Variants in RBMS3 observed in about 807,000 individuals in gnomAD.
The protein encoded by RBMS3 is RNA binding motif single stranded interacting protein 3.
In RBMS3, 27 loss-of-function variants were observed where a neutral mutation model predicts 66.8. The ratio of observed to expected loss-of-function variants is 0.40; its 90% confidence interval spans 0.30 to 0.56. The LOEUF (loss-of-function observed/expected upper bound fraction) is 0.56, where lower values mean the gene tolerates loss of function less well. RBMS3 is among the 20% of genes least tolerant of loss of function. RBMS3 has a pLI of 0.40. For missense variants in RBMS3, 513 were observed against 549.5 expected (o/e 0.93, Z 0.66); for synonymous variants, 188 against 183.0 (o/e 1.03, Z -0.22).
At chr3:29,840,042 AT>A (rs2058623444) in intron 6 of RBMS3, among the ~76,000 whole-genome samples, 1 of 151,864 alleles carries the variant, frequency 6.6e-6, no homozygotes, top group South Asian at 2.1e-4. Flanking sequence ...TTTTTTCCTT[AT>A]TCCTATCCTT....
intron 1 of RBMS3, among the ~76,000 whole-genome samples, chr3:29,370,826 A>G (rs1257291357): frequency 6.6e-6 from 1 of 152,196 alleles, no homozygotes; most frequent in East Asian, 1.9e-4. Context: ...CTTGATTAGA[A>G]TTCAGTCTGG....
intron 1 of RBMS3, among the ~76,000 whole-genome samples, chr3:29,346,949 TCTAA>T (rs1483710592): frequency 6.6e-6 from 1 of 152,212 alleles, no homozygotes; most frequent in Non-Finnish European, 1.5e-5. Flanking sequence ...ACCATATGTT[TCTAA>T]CTAAAAGCAC....
chr3:29,659,935 G>A (rs886351281), intron 4 of RBMS3, among the ~76,000 whole-genome samples: 5 of 152,160 alleles, frequency 3.3e-5, no homozygotes, highest in African/African-American at 1.2e-4. Context: ...CCTAATGGGT[G>A]TGGTGAAATC....
At chr3:29,747,187 C>G (rs540914160) in intron 5 of RBMS3, among the ~76,000 whole-genome samples, 1 of 152,302 alleles carries the variant, frequency 6.6e-6, no homozygotes, top group South Asian at 2.1e-4. Flanking sequence ...TTTCTACACT[C>G]TCAGCTTTCT....
chr3:29,695,340 G>T (rs1400382576), intron 4 of RBMS3, among the ~76,000 whole-genome samples: 1 of 152,138 alleles, frequency 6.6e-6, no homozygotes, highest in East Asian at 1.9e-4. Context: ...TTGTAGAAAG[G>T]TTAAATGTAA....
chr3:29,593,430 C>G (rs1050526391), intron 4 of RBMS3, among the ~76,000 whole-genome samples: 4 of 152,144 alleles, frequency 2.6e-5, no homozygotes, highest in African/African-American at 9.7e-5. Flanking sequence ...ATAGAGGCTT[C>G]TCAAGGGCTC....
intron 6 of RBMS3, among the ~76,000 whole-genome samples, chr3:29,819,832 C>T (rs1479711187): frequency 6.6e-6 from 1 of 152,110 alleles, no homozygotes; most frequent in Non-Finnish European, 1.5e-5. Flanking sequence ...GATCAGCTAA[C>T]TTTTTTGGTG....
At chr3:29,421,145 G>A (rs1424918996) in intron 1 of RBMS3, among the ~76,000 whole-genome samples, 20 of 144,328 alleles carry the variant, frequency 1.4e-4, no homozygotes, top group Non-Finnish European at 1.5e-5. Flanking sequence ...AGAAAAGGCC[G>A]TTATCACTAT....
At chr3:29,512,274 C>G (rs2044443272) in intron 3 of RBMS3, among the ~76,000 whole-genome samples, 1 of 151,952 alleles carries the variant, frequency 6.6e-6, no homozygotes, top group Non-Finnish European at 1.5e-5. Context: ...TCAAAGATTT[C>G]TAAATGTTGG....
At chr3:29,780,164 A>G (rs1284512030) in intron 6 of RBMS3, among the ~76,000 whole-genome samples, 1 of 151,960 alleles carries the variant, frequency 6.6e-6, no homozygotes, top group Non-Finnish European at 1.5e-5. Context: ...CTTGACTTTA[A>G]ATTGATGAGA....
intron 6 of RBMS3, among the ~76,000 whole-genome samples, chr3:29,781,963 C>T (rs1216991696): frequency 1.3e-5 from 2 of 152,040 alleles, no homozygotes; most frequent in African/African-American, 4.8e-5. Flanking sequence ...ATCCTCATCC[C>T]CCACAGCAGC....
At chr3:29,665,571 C>T (rs1013839883) in intron 4 of RBMS3, among the ~76,000 whole-genome samples, 1 of 152,138 alleles carries the variant, frequency 6.6e-6, no homozygotes, top group Non-Finnish European at 1.5e-5. Flanking sequence ...AATAGTCCCT[C>T]TTTGCAAACA....
intron 6 of RBMS3, among the ~76,000 whole-genome samples, chr3:29,854,386 AGGGGTTCTT>A (rs1237834487): frequency 2.0e-5 from 3 of 152,234 alleles, no homozygotes; most frequent in African/African-American, 7.2e-5. Context: ...GAAAAAGGAA[AGGGGTTCTT>A]CCTCCTGTCC....
chr3:29,610,283 G>T (rs995771645), intron 4 of RBMS3, among the ~76,000 whole-genome samples: 1 of 151,950 alleles, frequency 6.6e-6, no homozygotes, highest in Admixed American at 6.6e-5. Context: ...CTAATGTAAG[G>T]CTAAATACCT....
intron 6 of RBMS3, among the ~76,000 whole-genome samples, chr3:29,837,231 G>A (rs998342573): frequency 1.3e-5 from 2 of 151,940 alleles, no homozygotes; most frequent in African/African-American, 4.8e-5. Context: ...TTGAATAAAT[G>A]TATACCTATA....
At chr3:29,999,334 A>C (rs1026888172) in intron 14 of RBMS3, among the ~76,000 whole-genome samples, 8 of 152,172 alleles carry the variant, frequency 5.3e-5, no homozygotes, top group South Asian at 2.1e-4. Context: ...ACTAGTTCAA[A>C]CATTGTAGAA....
chr3:29,489,318 G>C (rs1455906164), intron 3 of RBMS3, among the ~76,000 whole-genome samples: 1 of 151,958 alleles, frequency 6.6e-6, no homozygotes. Flanking sequence ...AGAAACTCCT[G>C]TATATGTATC....
intron 1 of RBMS3, among the ~76,000 whole-genome samples, chr3:29,359,319 C>G (rs964528273): frequency 6.6e-6 from 1 of 152,146 alleles, no homozygotes; most frequent in African/African-American, 2.4e-5. Context: ...TGGTTTTTGT[C>G]ATTGGTTCTG....
intron 10 of RBMS3, among the ~76,000 whole-genome samples, chr3:29,917,327 C>T (rs779936919): frequency 7.2e-5 from 11 of 152,042 alleles, no homozygotes; most frequent in African/African-American, 2.2e-4. Flanking sequence ...TCCCACTTGG[C>T]GATGTCCTTC....
Sources: gnomAD v4.1 joint callset for allele counts (sites outside exome capture counted in the v4.1 genomes callset) on GRCh38, gnomAD v4.1.1 for gene constraint, MANE v1.5 for transcripts, NCBI Gene and HGNC (gene_info 2026-07-23, HGNC 2026-07-21) for gene names.